TANC1: variants seen among roughly 807,000 people sequenced by gnomAD.
TANC1 encodes protein TANC1.
Under a neutral mutation model 149.7 loss-of-function variants are expected in TANC1, and 77 were observed. The observed-to-expected ratio is 0.51, with a 90% CI of 0.43 to 0.62. TANC1 has a LOEUF of 0.62. TANC1 is among the 20% of genes least tolerant of loss of function. The pLI is 0.00. For missense variants in TANC1, 1,985 were observed against 2,321.8 expected (o/e 0.85, Z 2.98); for synonymous variants, 854 against 925.0 (o/e 0.92, Z 1.39).
chr2:159,096,711 C>T (rs1056592100), intron 3 of TANC1, among the ~76,000 whole-genome samples: 8 of 152,008 alleles, frequency 5.3e-5, no homozygotes, highest in African/African-American at 7.3e-5. Flanking sequence ...GTGGGAAGGA[C>T]GGTGAGGAAC....
rs11903200 is a variant in TANC1, at chr2:159,219,798, A to G, written c.3609A>G (p.Ala1203=). 0.038 allele frequency: 60,591 copies of G among 1,613,970 alleles called. 3,833 individuals carry two copies. Among genetic ancestry groups the G allele is most frequent in the East Asian group, 0.24 (10,782 of 44,860 alleles). Residue 1203 remains alanine, a synonymous_variant, in exon 22 of 27, where the codon GCA becomes GCG. Transcript: ENST00000263635. Reference sequence around the variant, plus strand: ...AGTATCTGGTTGAAGAAGGAGCTGCAATAGACCAGACAGACAAGAATGGCC... The same window carrying G: ...AGTATCTGGTTGAAGAAGGAGCTGCGATAGACCAGACAGACAAGAATGGCC... ...VVQYLVEEGA[A]IDQTDKNGRT...
intron 1 of TANC1, among the ~76,000 whole-genome samples, chr2:158,989,154 C>A (rs979475426): frequency 6.6e-6 from 1 of 152,096 alleles, no homozygotes. Flanking sequence ...AAAGATACCC[C>A]CTGAGGATGC....
rs181484588 is a variant in TANC1, at chr2:159,008,772, G to A, written c.-16+7583G>A. On this transcript the variant is annotated intron_variant, in intron 2 of 26. Transcript: ENST00000263635. ...AGTATGTCTTAGTACAAAATTCAGC[G>A]ATAAATTCTTTAATTGAATACATCT... Among the ~76,000 whole-genome samples, 705 of 152,118 alleles carry A rather than the reference G, an allele frequency of 4.6e-3. 17 individuals carry two copies. Among genetic ancestry groups the A allele is most frequent in the Non-Finnish European group, 2.6e-3 (176 of 67,990 alleles).
intron 4 of TANC1, 61 bp from the exon 5 acceptor site, chr2:159,136,133 A>C: frequency 2.9e-6 from 3 of 1,030,222 alleles, no homozygotes; most frequent in Non-Finnish European, 3.1e-6. Flanking sequence ...CACACTGTAC[A>C]TTCCAAGGCT....
chr2:159,169,751 G>C (rs2054988993), intron 9 of TANC1, among the ~76,000 whole-genome samples: 1 of 152,174 alleles, frequency 6.6e-6, no homozygotes, highest in Admixed American at 6.5e-5. Flanking sequence ...CCAGCACTTT[G>C]AGAGGCCGAG....
At chr2:159,112,077 T>C (rs2047782629) in intron 4 of TANC1, among the ~76,000 whole-genome samples, 1 of 152,230 alleles carries the variant, frequency 6.6e-6, no homozygotes, top group Non-Finnish European at 1.5e-5. Context: ...TTCTTGAAAG[T>C]ATTTTTACAA....
In TANC1 at chr2:159,024,739, A is replaced by C. The variant is rs1335425448; in HGVS notation, c.-16+23550A>C. ...GCACTCCAGCCTGGGTGACAGAACA[A>C]GACTTCATCTCAAAAAAAAAAAAAA... On this transcript the variant is annotated intron_variant, in intron 2 of 26. Coordinates refer to ENST00000263635, the MANE Select transcript of TANC1 (RefSeq NM_033394.3). Among the ~76,000 whole-genome samples, 5 of 152,068 alleles carry C rather than the reference A, an allele frequency of 3.3e-5. No individual in the cohort carries two copies. In the South Asian group the frequency reaches 1.0e-3, roughly 32 times the overall value.
chr2:159,102,472 T>C (rs975993453), intron 4 of TANC1, among the ~76,000 whole-genome samples: 1 of 143,490 alleles, frequency 7.0e-6, no homozygotes, highest in African/African-American at 2.6e-5. Flanking sequence ...TTCTTTTTTT[T>C]CCTAGAGATG....
intron 2 of TANC1, among the ~76,000 whole-genome samples, chr2:159,025,647 G>T (rs1038333554): frequency 1.3e-5 from 2 of 151,792 alleles, no homozygotes; most frequent in South Asian, 4.1e-4. Context: ...CTTTTTTTTA[G>T]CACAGTAAGT....
intron 19 of TANC1, among the ~76,000 whole-genome samples, chr2:159,214,674 G>A (rs1429404712): frequency 6.6e-6 from 1 of 152,212 alleles, no homozygotes; most frequent in Admixed American, 6.5e-5. Flanking sequence ...AGCATCAGGT[G>A]TCAGAGCATC....
chr2:159,034,307 G>A (rs1420421674), intron 2 of TANC1, among the ~76,000 whole-genome samples: 1 of 152,038 alleles, frequency 6.6e-6, no homozygotes, highest in Admixed American at 6.5e-5. Flanking sequence ...CTCTTCCCTG[G>A]TCCATTTGCT....
At chr2:159,086,200 AAG>A (rs2044831090) in intron 3 of TANC1, among the ~76,000 whole-genome samples, 1 of 149,978 alleles carries the variant, frequency 6.7e-6, no homozygotes. Context: ...ATTATAAATT[AAG>A]AGGGTGTATT....
intron 2 of TANC1, among the ~76,000 whole-genome samples, chr2:159,053,950 T>C (rs1341615046): frequency 6.6e-6 from 1 of 152,236 alleles, no homozygotes; most frequent in Non-Finnish European, 1.5e-5. Flanking sequence ...CTCGAGGGAC[T>C]GTACTGTAGA....
chr2:158,982,410 T>C (rs2034484935), intron 1 of TANC1, among the ~76,000 whole-genome samples: 1 of 152,260 alleles, frequency 6.6e-6, no homozygotes, highest in South Asian at 2.1e-4. Context: ...TGTGTTTGGC[T>C]CTGGCAATTT....
intron 2 of TANC1, among the ~76,000 whole-genome samples, chr2:159,034,581 A>G (rs2040033316): frequency 6.6e-6 from 1 of 152,186 alleles, no homozygotes; most frequent in South Asian, 2.1e-4. Context: ...GGCGGTTGAT[A>G]GTGTAACAGT....
chr2:159,063,503 A>G (rs762575941), intron 2 of TANC1, among the ~76,000 whole-genome samples: 19 of 152,180 alleles, frequency 1.2e-4, no homozygotes, highest in Admixed American at 5.2e-4. Flanking sequence ...TCAGAATTTA[A>G]CTTGCTGGGA....
intron 17 of TANC1, among the ~76,000 whole-genome samples, chr2:159,195,716 C>T (rs927243125): frequency 1.3e-5 from 2 of 152,214 alleles, no homozygotes; most frequent in South Asian, 4.1e-4. Flanking sequence ...TACTGCTGCA[C>T]ATCACCGCAC....
At chr2:159,058,661 A>T (rs540339610) in intron 2 of TANC1, among the ~76,000 whole-genome samples, 1 of 152,320 alleles carries the variant, frequency 6.6e-6, no homozygotes, top group East Asian at 1.9e-4. Flanking sequence ...ATTTGGATTG[A>T]ACAAATCCCT....
At chr2:158,990,826 TC>T (rs1442176472) in intron 1 of TANC1, among the ~76,000 whole-genome samples, 3 of 151,984 alleles carry the variant, frequency 2.0e-5, no homozygotes, top group Admixed American at 1.3e-4. Flanking sequence ...TAATCCCAGC[TC>T]TTTGGGAGGC....
Sources: gnomAD v4.1 joint callset for allele counts (sites outside exome capture counted in the v4.1 genomes callset) on GRCh38, gnomAD v4.1.1 for gene constraint, MANE v1.5 for transcripts, NCBI Gene and HGNC (gene_info 2026-07-23, HGNC 2026-07-21) for gene names.